The following CHST11 variants were observed in gnomAD, a reference collection of about 807,000 sequenced individuals.
The protein encoded by CHST11 is carbohydrate sulfotransferase 11.
CHST11 carries 9 observed loss-of-function variants against 30.4 expected under a neutral mutation model. The ratio of observed to expected loss-of-function variants is 0.30; its 90% CI spans 0.18 to 0.52. CHST11 has a LOEUF of 0.52. Among genes scored for constraint, CHST11 ranks in the 20% least tolerant of loss-of-function variants. The pLI, the probability that CHST11 is intolerant of heterozygous loss-of-function variation, is 0.97. For synonymous variants in CHST11, 152 were observed against 187.8 expected, an observed-to-expected ratio of 0.81 and a Z score of 1.56; for missense variants, 348 against 460.6, an observed-to-expected ratio of 0.76 and a Z score of 2.24.
chr12:104,545,183 AT>A (rs3833803), intron 1 of CHST11, among the ~76,000 whole-genome samples: 83,694 of 152,016 alleles, frequency 0.55, 24,191 homozygotes, highest in East Asian at 0.98. Context: ...CAATCCATTC[AT>A]TGCCTTCTTA....
chr12:104,601,773 A>T, intron 1 of CHST11, 133 bp from the exon 2 acceptor site: 1 of 673,812 alleles, frequency 1.5e-6, no homozygotes, highest in East Asian at 2.7e-5. Flanking sequence ...CAGTGTGGAA[A>T]TCTTCCTTTG....
intron 2 of CHST11, among the ~76,000 whole-genome samples, chr12:104,715,502 C>G (rs1592854595): frequency 6.6e-6 from 1 of 152,228 alleles, no homozygotes; most frequent in Non-Finnish European, 1.5e-5. Flanking sequence ...AAGCTAAACA[C>G]TTTATATTGT....
At chr12:104,574,051 G>A (rs2038657527) in intron 1 of CHST11, among the ~76,000 whole-genome samples, 1 of 152,164 alleles carries the variant, frequency 6.6e-6, no homozygotes, top group Non-Finnish European at 1.5e-5. Context: ...GTGGGCGAAG[G>A]ATATGAACAG....
intron 2 of CHST11, among the ~76,000 whole-genome samples, chr12:104,741,018 T>C (rs2040342452): frequency 6.6e-6 from 1 of 152,282 alleles, no homozygotes; most frequent in African/African-American, 2.4e-5. Context: ...AAGATGTTCA[T>C]GTGTTGCCAC....
intron 1 of CHST11, among the ~76,000 whole-genome samples, chr12:104,461,110 G>A (rs2037403774): frequency 6.6e-6 from 1 of 152,126 alleles, no homozygotes; most frequent in Non-Finnish European, 1.5e-5. Context: ...CTGTCTGGTG[G>A]GGAAACTTCC....
chr12:104,633,682 T>C (rs2039295588), intron 2 of CHST11, among the ~76,000 whole-genome samples: 1 of 152,098 alleles, frequency 6.6e-6, no homozygotes, highest in Non-Finnish European at 1.5e-5. Flanking sequence ...CCCAAAGTGC[T>C]GGGATTACAG....
intron 2 of CHST11, among the ~76,000 whole-genome samples, chr12:104,647,233 G>A (rs1184677156): frequency 1.3e-5 from 2 of 152,198 alleles, no homozygotes; most frequent in Non-Finnish European, 2.9e-5. Flanking sequence ...CTGCTGTTGT[G>A]TGGCTGTCAG....
chr12:104,549,378 C>T (rs2038383684), intron 1 of CHST11, among the ~76,000 whole-genome samples: 1 of 152,088 alleles, frequency 6.6e-6, no homozygotes, highest in South Asian at 2.1e-4. Flanking sequence ...AAAGAAAATG[C>T]CTTAATTGGG....
intron 1 of CHST11, among the ~76,000 whole-genome samples, chr12:104,500,448 G>A (rs1051443168): frequency 9.9e-5 from 15 of 152,224 alleles, no homozygotes; most frequent in African/African-American, 3.4e-4. Flanking sequence ...TACTAGAAAT[G>A]AACGAGCAAG....
intron 1 of CHST11, among the ~76,000 whole-genome samples, chr12:104,599,676 A>G (rs1387161135): frequency 1.3e-5 from 2 of 152,192 alleles, no homozygotes; most frequent in African/African-American, 4.8e-5. Context: ...GCTTTAATGT[A>G]TTGACATTTG....
At chr12:104,661,292 C>A (rs922037801) in intron 2 of CHST11, among the ~76,000 whole-genome samples, 27 of 152,208 alleles carry the variant, frequency 1.8e-4, no homozygotes, top group Admixed American at 1.2e-3. Flanking sequence ...TTTGGAAGGG[C>A]GAGGCGGGTA....
chr12:104,739,141 G>T (rs1157371392), intron 2 of CHST11, among the ~76,000 whole-genome samples: 1 of 152,216 alleles, frequency 6.6e-6, no homozygotes, highest in Non-Finnish European at 1.5e-5. Flanking sequence ...CCCGGGTAGT[G>T]GGTGCGGGCA....
At chr12:104,731,712 G>C (rs1218517424) in intron 2 of CHST11, among the ~76,000 whole-genome samples, 2 of 152,260 alleles carry the variant, frequency 1.3e-5, no homozygotes, top group Non-Finnish European at 2.9e-5. Context: ...AGGATTCGGG[G>C]TATAATGTGT....
At chr12:104,515,999 A>G (rs1169903411) in intron 1 of CHST11, among the ~76,000 whole-genome samples, 1 of 152,210 alleles carries the variant, frequency 6.6e-6, no homozygotes, top group Non-Finnish European at 1.5e-5. Flanking sequence ...AAATTATTTT[A>G]TCTTCAGAAC....
intron 2 of CHST11, among the ~76,000 whole-genome samples, chr12:104,611,624 G>A (rs2039060438): frequency 6.6e-6 from 1 of 152,174 alleles, no homozygotes; most frequent in East Asian, 1.9e-4. Context: ...GCATGGGGAG[G>A]TGACCAGGGC....
chr12:104,478,936 A>C (rs1168168822), intron 1 of CHST11, among the ~76,000 whole-genome samples: 2 of 152,140 alleles, frequency 1.3e-5, no homozygotes, highest in African/African-American at 4.8e-5. Flanking sequence ...CTAGGGGGTT[A>C]TTGAAAAGGA....
intron 1 of CHST11, among the ~76,000 whole-genome samples, chr12:104,597,693 G>A (rs1432013439): frequency 6.6e-6 from 1 of 152,186 alleles, no homozygotes; most frequent in African/African-American, 2.4e-5. Context: ...CCTGCACATC[G>A]TAGGTGCTTG....
intron 1 of CHST11, among the ~76,000 whole-genome samples, chr12:104,512,848 AAGAGC>A (rs2037979380): frequency 6.6e-6 from 1 of 152,122 alleles, no homozygotes; most frequent in African/African-American, 2.4e-5. Flanking sequence ...CCAGAGTGTG[AAGAGC>A]AGCCTCAGGT....
At chr12:104,519,951 C>G (rs1284181042) in intron 1 of CHST11, among the ~76,000 whole-genome samples, 1 of 152,038 alleles carries the variant, frequency 6.6e-6, no homozygotes, top group African/African-American at 2.4e-5. Flanking sequence ...TCTGGTTTTC[C>G]TAGGAAACTA....
Sources: gnomAD v4.1 joint callset for allele counts (sites outside exome capture counted in the v4.1 genomes callset) on GRCh38, gnomAD v4.1.1 for gene constraint, MANE v1.5 for transcripts, NCBI Gene and HGNC (gene_info 2026-07-23, HGNC 2026-07-21) for gene names.